The following STK4 variants were observed in gnomAD, a reference collection of about 807,000 sequenced individuals.
The protein encoded by STK4 is serine/threonine-protein kinase 4.
A neutral mutation model predicts 64.9 loss-of-function variants in STK4; 30 were observed. The observed-to-expected ratio is 0.46, with a 90% CI of 0.35 to 0.63. The LOEUF (loss-of-function observed/expected upper bound fraction) is 0.63. STK4 is among the 20% of genes least tolerant of loss of function. The pLI, the probability that STK4 is intolerant of heterozygous loss-of-function variation, is 0.01. For missense variants in STK4, 466 were observed against 598.5 expected (o/e 0.78, Z 2.31); for synonymous variants, 177 against 199.0 (o/e 0.89, Z 0.93).
At chr20:44,983,403 G>A (rs2067475072) in intron 4 of STK4, among the ~76,000 whole-genome samples, 3 of 152,204 alleles carry the variant, frequency 2.0e-5, no homozygotes, top group Middle Eastern at 3.4e-3. Context: ...GGAGTTCGAG[G>A]CCAGCCTGGG....
chr20:45,008,100 G>C (rs998364622), intron 9 of STK4, among the ~76,000 whole-genome samples: 1 of 152,190 alleles, frequency 6.6e-6, no homozygotes, highest in African/African-American at 2.4e-5. Context: ...TGTCGCCCAG[G>C]CTGGAGTGCG....
rs544197071 is a variant in STK4 at position 44,990,619 on chromosome 20, T to C, written c.525+3323T>C. ...GCTTTCTGGGAAGTGGTGGTGGTGG[T>C]GGCAGTGGGGATTGTTAACATGTTA... On this transcript the variant is annotated intron_variant, in intron 5 of 10. Transcript: ENST00000372806. Among the ~76,000 whole-genome samples, 6 of 152,246 alleles carry C rather than the reference T, an allele frequency of 3.9e-5. No homozygotes were observed. In the East Asian group the frequency reaches 7.7e-4, roughly 20 times the overall value.
chr20:45,052,288 C>G (rs1285438262), intron 10 of STK4, among the ~76,000 whole-genome samples: 2 of 151,904 alleles, frequency 1.3e-5, no homozygotes, highest in Non-Finnish European at 2.9e-5. Flanking sequence ...CCCCCCCCAG[C>G]AATAATAATT....
At chr20:45,059,490 TACTGAGTG>T (rs1978803209) in intron 10 of STK4, among the ~76,000 whole-genome samples, 1 of 152,192 alleles carries the variant, frequency 6.6e-6, no homozygotes, top group Non-Finnish European at 1.5e-5. Context: ...CCAGGGTGAC[TACTGAGTG>T]ACTGAGGGGT....
Position 44,995,170 on chromosome 20 carries a change from C to G in STK4, c.606C>G (p.Asn202Lys). 6.2e-7 allele frequency: 1 copy of G among 1,613,950 alleles called. No individual in the cohort carries two copies. The highest frequency in any genetic ancestry group is 8.5e-7 in the Non-Finnish European group (1 of 1,179,948). ...APEVIQEIGYNCVADIWSLGI... is the reference protein window; with the variant it reads ...APEVIQEIGYKCVADIWSLGI... ...AAGTGATTCAGGAAATTGGATACAA[C>G]TGTGTAGCAGACATCTGGTCCCTGG... The change falls in exon 6 of 11, where the codon AAC (asparagine) becomes AAG (lysine). Residue 202 changes from asparagine to lysine, a missense_variant. Physicochemically the swap from Asn to Lys is moderately conservative, Grantham distance 94. Around this residue, in one of 2 missense-constraint regions of STK4, gnomAD observed 190 missense variants for 289.7 expected, o/e 0.66. Transcript: ENST00000372806.
At chr20:44,996,792 A>G (rs920660918) in intron 6 of STK4, among the ~76,000 whole-genome samples, 2 of 152,086 alleles carry the variant, frequency 1.3e-5, no homozygotes, top group Non-Finnish European at 2.9e-5. Context: ...GGTGGTAATA[A>G]CTTTTAAGAG....
At chr20:44,996,309 C>T (rs986645580) in intron 6 of STK4, among the ~76,000 whole-genome samples, 5 of 152,098 alleles carry the variant, frequency 3.3e-5, no homozygotes, top group Non-Finnish European at 7.3e-5. Flanking sequence ...CAGAACCCTT[C>T]ATCACAGCAC....
Position 45,002,692 on chromosome 20 carries a change from T to G in STK4, c.1147+1339T>G, listed in dbSNP as rs545682117. 2.0e-5 allele frequency among the ~76,000 whole-genome samples: 3 copies of G among 152,288 alleles called. No homozygotes were observed. In the South Asian group the frequency reaches 6.2e-4, roughly 32 times the overall value. On this transcript the variant is annotated intron_variant, in intron 9 of 10. Coordinates refer to ENST00000372806, the MANE Select transcript of STK4 (RefSeq NM_006282.5). ...AATGACCCCTATAGACCTATATCACTCAGCTTCAGCAATGATCAACTCACT... is the reference window on the plus strand; with the variant it reads ...AATGACCCCTATAGACCTATATCACGCAGCTTCAGCAATGATCAACTCACT...
intron 10 of STK4, among the ~76,000 whole-genome samples, chr20:45,027,509 G>T (rs1258323234): frequency 6.7e-6 from 1 of 150,160 alleles, no homozygotes; most frequent in Non-Finnish European, 1.5e-5. Flanking sequence ...AAAAAATATT[G>T]TTTATGATAT....
At chr20:44,989,576 C>T (rs1337547168) in intron 5 of STK4, among the ~76,000 whole-genome samples, 1 of 152,072 alleles carries the variant, frequency 6.6e-6, no homozygotes, top group Non-Finnish European at 1.5e-5. Context: ...CTTTGAAATA[C>T]AAAATTTTTA....
chr20:45,046,375 C>T (rs963813481), intron 10 of STK4, among the ~76,000 whole-genome samples: 5 of 150,868 alleles, frequency 3.3e-5, no homozygotes, highest in African/African-American at 1.2e-4. Context: ...GTTGAGGCTG[C>T]AGCAAGCCAT....
rs767893628 is a variant in STK4, at chr20:44,987,142, A to T, written c.371A>T (p.Asp124Val). 6.3e-7 allele frequency: 1 copy of T among 1,587,968 alleles called. No individual in the cohort carries two copies. The highest frequency in any genetic ancestry group is 8.6e-7 in the Non-Finnish European group (1 of 1,167,898). The change falls in exon 5 of 11, where the codon GAT (aspartate) becomes GTT (valine). Residue 124 changes from aspartate (D) to valine (V), a missense_variant. Coordinates refer to ENST00000372806, the MANE Select transcript of STK4 (RefSeq NM_006282.5). ...TTATTCTTTTTTCAGTTAACAGAAG[A>T]TGAAATAGCTACAATATTACAATCA... Reference protein sequence around the residue: ...IRLRNKTLTEDEIATILQSTL... With the variant: ...IRLRNKTLTEVEIATILQSTL...
intron 10 of STK4, among the ~76,000 whole-genome samples, chr20:45,050,040 A>G (rs567548067): frequency 9.2e-5 from 14 of 152,296 alleles, no homozygotes; most frequent in African/African-American, 2.4e-4. Flanking sequence ...GGCCACATCA[A>G]TGAGCTCCTT....
At position 45,003,895 on chromosome 20, in the gene STK4, T is replaced by A. The variant is rs541590655; in HGVS notation, c.1147+2542T>A. The stretch of plus-strand genomic sequence containing the variant: ...CCACACCTGGCTACTTTTTTTGTAT[T>A]TTTAGTAGAGATGGGGTTTCACCAT... On this transcript the variant is annotated intron_variant, in intron 9 of 10. Transcript: ENST00000372806. Among the ~76,000 whole-genome samples the A allele has an allele frequency of 3.0e-3, 456 of 151,822 alleles. 2 individuals are homozygous for A. The highest frequency in any genetic ancestry group is 0.01 in the African/African-American group (434 of 41,376).
At chr20:44,998,141 C>T (rs1283387097) in intron 7 of STK4, among the ~76,000 whole-genome samples, 1 of 152,024 alleles carries the variant, frequency 6.6e-6, no homozygotes, top group African/African-American at 2.4e-5. Context: ...ACTGGAGATG[C>T]AAAAAGTGTT....
intron 10 of STK4, among the ~76,000 whole-genome samples, chr20:45,038,324 T>TATAATC (rs2068559224): frequency 6.6e-6 from 1 of 152,076 alleles, no homozygotes; most frequent in Middle Eastern, 3.4e-3. Context: ...TTTTAAAAAT[T>TATAATC]ATAATACCTT....
At chr20:44,967,359 A>G (rs777476608) in intron 1 of STK4, 1 of 454,720 alleles carries the variant, frequency 2.2e-6, no homozygotes, top group Non-Finnish European at 2.9e-6. Flanking sequence ...ACTCCGGGTC[A>G]CTGAACCCTG....
At chr20:45,065,868 T>G (rs1255321632) in intron 10 of STK4, among the ~76,000 whole-genome samples, 1 of 152,082 alleles carries the variant, frequency 6.6e-6, no homozygotes, top group Non-Finnish European at 1.5e-5. Flanking sequence ...ACATCTCAGT[T>G]TCCTTCAGTT....
chr20:44,996,587 A>G (rs546280882), intron 6 of STK4, among the ~76,000 whole-genome samples: 1 of 152,344 alleles, frequency 6.6e-6, no homozygotes, highest in African/African-American at 2.4e-5. Flanking sequence ...TGGCTTTTTT[A>G]AAATTGGAAA....
Sources: gnomAD v4.1 joint callset for allele counts (sites outside exome capture counted in the v4.1 genomes callset) on GRCh38, gnomAD v4.1.1 for gene constraint, gnomAD v4.1.1 regional missense constraint, MANE v1.5 for transcripts, NCBI Gene and HGNC (gene_info 2026-07-23, HGNC 2026-07-21) for gene names.